The following ARL8B variants were observed in gnomAD, a reference collection of about 807,000 sequenced individuals.
ARL8B encodes ARF like GTPase 8B.
A neutral mutation model predicts 30.6 loss-of-function variants in ARL8B; 9 were observed. The ratio of observed to expected loss-of-function variants is 0.29; its 90% CI spans 0.18 to 0.51. ARL8B has a LOEUF of 0.51. Ranked by LOEUF, ARL8B falls within the 20% of genes least tolerant of loss-of-function variation. ARL8B has a pLI of 0.97. For synonymous variants in ARL8B, 74 were observed against 76.0 expected, an observed-to-expected ratio of 0.97 and a Z score of 0.14; for missense variants, 130 against 227.2, an observed-to-expected ratio of 0.57 and a Z score of 2.75.
chr3:5,166,283 C>T (rs1363770746), intron 1 of ARL8B, among the ~76,000 whole-genome samples: 2 of 151,816 alleles, frequency 1.3e-5, no homozygotes, highest in African/African-American at 4.8e-5. Flanking sequence ...CGTGATCCAC[C>T]CACCTCGGCC....
intron 2 of ARL8B, among the ~76,000 whole-genome samples, chr3:5,171,171 G>A (rs2054670738): frequency 6.6e-6 from 1 of 152,096 alleles, no homozygotes; most frequent in East Asian, 1.9e-4. Context: ...TCCAGATTTA[G>A]TCAAGTGCAG....
At chr3:5,149,559 T>A (rs1346852083) in intron 1 of ARL8B, among the ~76,000 whole-genome samples, 6 of 152,238 alleles carry the variant, frequency 3.9e-5, no homozygotes, top group Admixed American at 1.3e-4. Flanking sequence ...TTGAGTACTG[T>A]GGAGTTACAA....
At chr3:5,174,747 ATAAT>A (rs1559287372) in intron 6 of ARL8B, among the ~76,000 whole-genome samples, 2 of 144,634 alleles carry the variant, frequency 1.4e-5, no homozygotes, top group African/African-American at 5.1e-5. Context: ...TATGTAATAT[ATAAT>A]ATATATAAAT....
At chr3:5,172,116 T>C (rs371474083) in intron 2 of ARL8B, 34 bp from the exon 3 acceptor site, 13 of 1,556,466 alleles carry the variant, frequency 8.4e-6, no homozygotes, top group Admixed American at 1.8e-5. Context: ...AATTAAAATA[T>C]CTTTATTAAG....
In ARL8B at chr3:5,178,872, ATCC is replaced by A. The variant is rs2054753186; in HGVS notation, c.*161_*163del. 29 of 1,277,576 alleles carry A rather than the reference ATCC, an allele frequency of 2.3e-5. No individual in the cohort carries two copies. Among genetic ancestry groups the A allele is most frequent in the Non-Finnish European group, 2.9e-5 (28 of 958,538 alleles). The allele number at this position is 1,277,576 out of a possible 1,614,324, so 79.1% of individuals were successfully genotyped here. On this transcript the variant is annotated 3_prime_UTR_variant, in exon 7 of 7. Transcript: ENST00000256496. ...GCACTGCTGAAGATGAATATCCCTA[ATCC>A]TTCATAAAGAATCAGCTAGAGTTGT... is the stretch of plus-strand genomic sequence containing the variant.
Position 5,123,330 on chromosome 3 carries a change from A to G in ARL8B, c.123+742A>G, listed in dbSNP as rs572838214. ...ATGGTGTTTTTCACTTGAAGAGAAA[A>G]GAAGGTACTGGGCAGGAACATAGCT... On this transcript the variant is annotated intron_variant, in intron 1 of 6. Coordinates refer to ENST00000256496, the MANE Select transcript of ARL8B (RefSeq NM_018184.3). 2.0e-5 allele frequency among the ~76,000 whole-genome samples: 3 copies of G among 152,350 alleles called. No homozygotes were observed. In the East Asian group the frequency reaches 5.8e-4, roughly 29 times the overall value.
At position 5,133,873 on chromosome 3, in the gene ARL8B, T is replaced by C. The variant is rs139738557; in HGVS notation, c.123+11285T>C. On this transcript the variant is annotated intron_variant, in intron 1 of 6. Transcript: ENST00000256496. ...AGGGGATGGCTTGAGTCCAGGAGGCTGCAGTGAGCCATGATGGTGCCACTG... is the reference window on the plus strand; with the variant it reads ...AGGGGATGGCTTGAGTCCAGGAGGCCGCAGTGAGCCATGATGGTGCCACTG... 2.3e-3 allele frequency among the ~76,000 whole-genome samples: 349 copies of C among 152,296 alleles called. 1 individual carries two copies. The highest frequency in any genetic ancestry group is 7.8e-3 in the African/African-American group (326 of 41,564).
intron 1 of ARL8B, among the ~76,000 whole-genome samples, chr3:5,141,473 C>T (rs546283005): frequency 1.3e-5 from 2 of 152,270 alleles, no homozygotes; most frequent in Admixed American, 1.3e-4. Flanking sequence ...TTTAATTAAT[C>T]TCTGTGCTAG....
intron 1 of ARL8B, among the ~76,000 whole-genome samples, chr3:5,129,629 C>T (rs1366805261): frequency 2.6e-5 from 4 of 152,158 alleles, no homozygotes; most frequent in Admixed American, 6.5e-5. Flanking sequence ...CAGCCTCCAC[C>T]TCCTGGGCCC....
chr3:5,128,347 C>T (rs1032956621), intron 1 of ARL8B: 1 of 375,774 alleles, frequency 2.7e-6, no homozygotes, highest in Non-Finnish European at 5.3e-6. Flanking sequence ...AGGTGGTCTT[C>T]AAGTATAGAT....
intron 1 of ARL8B, among the ~76,000 whole-genome samples, chr3:5,158,170 G>C (rs2054548327): frequency 6.6e-6 from 1 of 152,098 alleles, no homozygotes; most frequent in African/African-American, 2.4e-5. Context: ...TTTTAGTAGA[G>C]GTAGGGTTTC....
intron 1 of ARL8B, among the ~76,000 whole-genome samples, chr3:5,130,211 A>G (rs1160792723): frequency 1.4e-5 from 2 of 147,450 alleles, no homozygotes; most frequent in Admixed American, 1.4e-4. Flanking sequence ...TTTTGTAGAG[A>G]CTTCATCTCA....
chr3:5,125,275 T>C (rs2054220540), intron 1 of ARL8B, among the ~76,000 whole-genome samples: 1 of 152,176 alleles, frequency 6.6e-6, no homozygotes, highest in Non-Finnish European at 1.5e-5. Context: ...ACTGTTGTTA[T>C]TTGTAATTGG....
intron 1 of ARL8B, among the ~76,000 whole-genome samples, chr3:5,134,700 A>AT: frequency 6.6e-6 from 1 of 152,320 alleles, no homozygotes; most frequent in South Asian, 2.1e-4. Context: ...CTTGGTCCTC[A>AT]TAGCCCAGTT....
intron 1 of ARL8B, among the ~76,000 whole-genome samples, chr3:5,135,341 T>C (rs2054315355): frequency 6.6e-6 from 1 of 151,712 alleles, no homozygotes. Flanking sequence ...CAGACTGGAG[T>C]GCAGTCTTGG....
intron 1 of ARL8B, among the ~76,000 whole-genome samples, chr3:5,133,870 G>A (rs766891998): frequency 4.6e-5 from 7 of 152,194 alleles, no homozygotes; most frequent in Non-Finnish European, 7.3e-5. Context: ...GAGTCCAGGA[G>A]GCTGCAGTGA....
At chr3:5,170,246 T>G (rs2054660919) in intron 1 of ARL8B, among the ~76,000 whole-genome samples, 1 of 152,228 alleles carries the variant, frequency 6.6e-6, no homozygotes, top group African/African-American at 2.4e-5. Context: ...TAAAATTCTT[T>G]TAGCATAAGG....
chr3:5,174,875 T>G (rs766805915), intron 6 of ARL8B, among the ~76,000 whole-genome samples: 7 of 151,586 alleles, frequency 4.6e-5, no homozygotes, highest in Non-Finnish European at 1.0e-4. Context: ...TGATCTCGAC[T>G]TACTGCAACC....
chr3:5,162,216 A>G (rs1202411303), intron 1 of ARL8B, among the ~76,000 whole-genome samples: 1 of 152,268 alleles, frequency 6.6e-6, no homozygotes, highest in Non-Finnish European at 1.5e-5. Context: ...TGAGAGCTAT[A>G]GCCACTTCTT....
Sources: gnomAD v4.1 joint callset for allele counts (sites outside exome capture counted in the v4.1 genomes callset) on GRCh38, gnomAD v4.1.1 for gene constraint, MANE v1.5 for transcripts, NCBI Gene and HGNC (gene_info 2026-07-23, HGNC 2026-07-21) for gene names.